COL18A1: variants seen among roughly 807,000 people sequenced by gnomAD.
The protein encoded by COL18A1 is collagen type XVIII alpha 1 chain.
In COL18A1, 133 loss-of-function variants were observed where a neutral mutation model predicts 168.0. The observed-to-expected ratio is 0.79, with a 90% CI of 0.69 to 0.91. The LOEUF (loss-of-function observed/expected upper bound fraction) is 0.91, where lower values mean the gene tolerates loss of function less well. Among genes scored for constraint, COL18A1 ranks in the 40% least tolerant of loss-of-function variants. The pLI is 0.00. For missense variants in COL18A1, 2,126 were observed against 1,925.4 expected, an observed-to-expected ratio of 1.10 and a Z score of -1.95; for synonymous variants, 949 against 809.0, an observed-to-expected ratio of 1.17 and a Z score of -2.94.
chr21:45,435,159 A>T (rs557784446), intron 2 of COL18A1, among the ~76,000 whole-genome samples: 1 of 143,690 alleles, frequency 7.0e-6, no homozygotes, highest in East Asian at 2.3e-4. Context: ...AGATATAGGG[A>T]TGCCGGGATG....
At chr21:45,406,784 G>A (rs1452272646) in intron 2 of COL18A1, among the ~76,000 whole-genome samples, 1 of 152,276 alleles carries the variant, frequency 6.6e-6, no homozygotes, top group Non-Finnish European at 1.5e-5. Context: ...AGGAGGAGAT[G>A]TAAAAGGTGA....
chr21:45,504,080 G>A (rs1193138502), intron 33 of COL18A1, 26 bp downstream of exon 33: 46 of 1,612,660 alleles, frequency 2.9e-5, no homozygotes, highest in Non-Finnish European at 3.7e-5. Context: ...GTGGGGTTGG[G>A]GGCCCCCAAG....
At chr21:45,500,563 AGT>A (rs1398469275) in intron 32 of COL18A1, among the ~76,000 whole-genome samples, 3 of 24,992 alleles carry the variant, frequency 1.2e-4, no homozygotes, top group African/African-American at 6.7e-4. Context: ...TTGGGTGTGT[AGT>A]GTGGGGGTGT....
chr21:45,498,287 A>G lies in COL18A1; in HGVS notation c.2683+626A>G, dbSNP rs1459802571. The stretch of plus-strand genomic sequence containing the variant: ...GCCAGGCTAGCCTCGGGCGCCTTTC[A>G]CCACCAGGGTCCCCTCTCGCCGCCA... On this transcript the variant is annotated intron_variant, in intron 32 of 41. Coordinates refer to ENST00000651438, the MANE Select transcript of COL18A1 (RefSeq NM_001379500.1). The surrounding 1 kb of genome is among the most constrained non-coding windows in gnomAD (Gnocchi z 4.5). 9.9e-6 allele frequency: 7 copies of G among 708,044 alleles called. 1 individual carries two copies. The highest frequency in any genetic ancestry group is 8.9e-5 in the South Asian group (6 of 67,526). 43.9% of individuals were successfully genotyped at this position (708,044 alleles called of 1,614,324 possible). A position where few individuals can be genotyped will look rare whatever the true frequency, so the allele number is the denominator to read the frequency against.
At chr21:45,415,452 C>A (rs2033413453) in intron 2 of COL18A1, among the ~76,000 whole-genome samples, 1 of 152,210 alleles carries the variant, frequency 6.6e-6, no homozygotes. Context: ...ACCCAGGGCT[C>A]AGAGCTCAGG....
chr21:45,426,015 C>G (rs2033787575), intron 2 of COL18A1, among the ~76,000 whole-genome samples: 1 of 152,114 alleles, frequency 6.6e-6, no homozygotes, highest in African/African-American at 2.4e-5. Context: ...ACTGCCCCCG[C>G]CCCGCCCCCT....
intron 2 of COL18A1, among the ~76,000 whole-genome samples, chr21:45,464,257 C>T (rs192398434): frequency 6.6e-6 from 1 of 152,296 alleles, no homozygotes; most frequent in African/African-American, 2.4e-5. Flanking sequence ...TTCCTCTTCC[C>T]AGGATGGGAT....
At chr21:45,458,620 G>A (rs1176380545) in intron 2 of COL18A1, among the ~76,000 whole-genome samples, 1 of 152,210 alleles carries the variant, frequency 6.6e-6, no homozygotes, top group Non-Finnish European at 1.5e-5. Flanking sequence ...TGTGGGTAGG[G>A]CAGCCTTGCA....
chr21:45,500,237 AG>A (rs2036707206), intron 32 of COL18A1, among the ~76,000 whole-genome samples: 1 of 57,570 alleles, frequency 1.7e-5, no homozygotes, highest in Non-Finnish European at 3.3e-5. Flanking sequence ...TGGAGGTGTG[AG>A]GGGGTGTGTG....
At chr21:45,437,578 C>T (rs1193642829) in intron 2 of COL18A1, among the ~76,000 whole-genome samples, 1 of 44,232 alleles carries the variant, frequency 2.3e-5, no homozygotes, top group Non-Finnish European at 3.8e-5. Flanking sequence ...AGGCACTCTC[C>T]TGTACACACA....
chr21:45,460,462 C>T (rs2035003746), intron 2 of COL18A1, among the ~76,000 whole-genome samples: 1 of 152,234 alleles, frequency 6.6e-6, no homozygotes, highest in Non-Finnish European at 1.5e-5. Context: ...ACCCCCATCA[C>T]TGGACATTCG....
At position 45,425,490 on chromosome 21, in the gene COL18A1, C is replaced by T. The variant is rs561371519; in HGVS notation, c.106+20017C>T. 7.2e-5 allele frequency among the ~76,000 whole-genome samples: 11 copies of T among 152,306 alleles called. No individual in the cohort carries two copies. The highest frequency in any genetic ancestry group is 5.2e-4 in the Admixed American group (8 of 15,302). On this transcript the variant is annotated intron_variant, in intron 2 of 41. Coordinates refer to ENST00000651438, the MANE Select transcript of COL18A1 (RefSeq NM_001379500.1). This position sits in a 1 kb window ranked among gnomAD's most constrained non-coding sequence, Gnocchi z 4.1. ...CGGGTGGCCCAAGGCCTCTGAAAAC[C>T]GTCACGGCAGGGGTCACAACCCCAC...
At chr21:45,468,899 C>T in intron 3 of COL18A1, 113 bp downstream of exon 3, 2 of 1,138,984 alleles carry the variant, frequency 1.8e-6, no homozygotes, top group Non-Finnish European at 2.4e-6. Flanking sequence ...GCCCCCACCC[C>T]AGCTGTGGTC....
At chr21:45,476,537 CG>C in intron 6 of COL18A1, 57 bp downstream of exon 6, 2 of 1,536,028 alleles carry the variant, frequency 1.3e-6, no homozygotes, top group Non-Finnish European at 8.8e-7. Flanking sequence ...TGGTGTGTAA[CG>C]TGTGTTTGTG....
intron 2 of COL18A1, among the ~76,000 whole-genome samples, chr21:45,415,778 C>G (rs1055092144): frequency 3.3e-5 from 5 of 152,250 alleles, no homozygotes; most frequent in African/African-American, 1.2e-4. Flanking sequence ...CAGCCCAGTG[C>G]CTGGCGCTGC....
intron 2 of COL18A1, chr21:45,422,551 G>A (rs377750483): frequency 1.4e-5 from 7 of 511,356 alleles, no homozygotes; most frequent in African/African-American, 3.9e-5. Flanking sequence ...CCCGGGCAGG[G>A]CAGCAAAAGG....
At position 45,455,405 on chromosome 21, in the gene COL18A1, T is replaced by C. The variant is rs924413810; in HGVS notation, c.107-12837T>C. On this transcript the variant is annotated intron_variant, in intron 2 of 41. Coordinates refer to ENST00000651438, the MANE Select transcript of COL18A1 (RefSeq NM_001379500.1). ...TCTTTCCTTCTGCAAGAGTGGGGGG[T>C]GGAAGACAGCCGGCCAGAGGCTGGG... 1.5e-5 allele frequency: 20 copies of C among 1,364,142 alleles called. No homozygotes were observed. The African/African-American group carries it at 2.6e-4, about 18-fold the overall frequency. 84.5% of individuals were successfully genotyped at this position (1,364,142 alleles called of 1,614,324 possible). A position where few individuals can be genotyped will look rare whatever the true frequency, so the allele number is the denominator to read the frequency against.
rs2036388892 is a variant in COL18A1 at position 45,492,567 on chromosome 21, A to G, written c.2187+3A>G. ...TCCTGAGCGTGCCGGGACCTGAGGTATGTGCCTGCCCAGCTTCTAAGAGAC... is the reference window on the plus strand; with the variant it reads ...TCCTGAGCGTGCCGGGACCTGAGGTGTGTGCCTGCCCAGCTTCTAAGAGAC... On this transcript the variant is annotated splice_donor_region_variant and intron_variant, in intron 23 of 41. Coordinates refer to ENST00000651438, the MANE Select transcript of COL18A1 (RefSeq NM_001379500.1). The G allele has an allele frequency of 6.2e-7, 1 of 1,613,154 alleles. No individual in the cohort carries two copies. Among genetic ancestry groups the G allele is most frequent in the Non-Finnish European group, 8.5e-7 (1 of 1,179,994 alleles).
At chr21:45,441,050 G>T (rs965452804) in intron 2 of COL18A1, among the ~76,000 whole-genome samples, 3 of 152,322 alleles carry the variant, frequency 2.0e-5, no homozygotes, top group African/African-American at 7.2e-5. Flanking sequence ...AAACCCCGGG[G>T]ACACCCGCCT....
Sources: gnomAD v4.1 joint callset for allele counts (sites outside exome capture counted in the v4.1 genomes callset) on GRCh38, gnomAD v4.1.1 for gene constraint, Gnocchi (gnomAD v3.1) non-coding constraint, MANE v1.5 for transcripts, NCBI Gene and HGNC (gene_info 2026-07-23, HGNC 2026-07-21) for gene names.